MYO3A: variants seen among roughly 807,000 people sequenced by gnomAD.
MYO3A encodes the protein myosin-IIIa.
MYO3A carries 180 observed loss-of-function variants against 192.7 expected under a neutral mutation model. The ratio of observed to expected loss-of-function variants is 0.93; its 90% CI spans 0.83 to 1.06. The LOEUF is 1.06. MYO3A is among the 50% of genes least tolerant of loss of function. The pLI is 0.00. For missense variants in MYO3A, 1,896 were observed against 1,905.0 expected, an observed-to-expected ratio of 1.00 and a Z score of 0.09; for synonymous variants, 628 against 645.3, an observed-to-expected ratio of 0.97 and a Z score of 0.41.
chr10:26,014,611 G>A (rs112619711), intron 6 of MYO3A, among the ~76,000 whole-genome samples: 6,550 of 152,062 alleles, frequency 0.043, 178 homozygotes, highest in Middle Eastern at 0.068. Context: ...AACAGTCTAG[G>A]AAGCATTGTT....
At chr10:26,070,780 G>A (rs75218177) in intron 14 of MYO3A, among the ~76,000 whole-genome samples, 9,250 of 151,890 alleles carry the variant, frequency 0.061, 365 homozygotes, top group Non-Finnish European at 0.088. Flanking sequence ...ATGGTCAATT[G>A]CAAATTGAAT....
chr10:26,090,892 G>A (rs1836659838), intron 15 of MYO3A, among the ~76,000 whole-genome samples: 1 of 152,254 alleles, frequency 6.6e-6, no homozygotes, highest in Admixed American at 6.5e-5. Flanking sequence ...TGCAGGTGGA[G>A]GGAGGGGCAG....
rs537616204 is a variant in MYO3A at position 26,082,500 on chromosome 10, G to A, written c.1360-5703G>A. ...TTTGGGATATTTGGGGCTTTTTACA[G>A]GTAGGATCATGTTATCTGCAAATGC... On this transcript the variant is annotated intron_variant, in intron 14 of 34. Coordinates refer to ENST00000642920, the MANE Select transcript of MYO3A (RefSeq NM_017433.5). Among the ~76,000 whole-genome samples the A allele has an allele frequency of 1.4e-4, 22 of 152,210 alleles. No homozygotes were observed. The East Asian group carries it at 1.7e-3, about 12-fold the overall frequency.
Position 26,143,436 on chromosome 10 carries a change from T to C in MYO3A, c.2263-12T>C. Reference sequence around the variant, plus strand: ...TTATTCACAGTTTTAAGTGGTTTTGTCTTTATTATAGAATGAATACCTAAA... The same window carrying C: ...TTATTCACAGTTTTAAGTGGTTTTGCCTTTATTATAGAATGAATACCTAAA... On this transcript the variant is annotated splice_polypyrimidine_tract_variant and intron_variant, in intron 20 of 34. Coordinates refer to ENST00000642920, the MANE Select transcript of MYO3A (RefSeq NM_017433.5). The C allele has an allele frequency of 6.2e-7, 1 of 1,605,250 alleles. No individual in the cohort carries two copies. Among genetic ancestry groups the C allele is most frequent in the Non-Finnish European group, 8.5e-7 (1 of 1,172,188 alleles).
At chr10:26,056,919 G>A (rs1261483307) in intron 10 of MYO3A, among the ~76,000 whole-genome samples, 4 of 151,848 alleles carry the variant, frequency 2.6e-5, no homozygotes, top group Non-Finnish European at 5.9e-5. Flanking sequence ...ATTGACTGAG[G>A]TAGAGATAAT....
chr10:26,126,185 G>T (rs1283852867), intron 19 of MYO3A, among the ~76,000 whole-genome samples: 1 of 152,114 alleles, frequency 6.6e-6, no homozygotes, highest in Non-Finnish European at 1.5e-5. Context: ...CCTTCTTAAA[G>T]ATAATTACAG....
intron 26 of MYO3A, among the ~76,000 whole-genome samples, chr10:26,158,704 C>G (rs1418070673): frequency 6.6e-5 from 10 of 151,614 alleles, no homozygotes; most frequent in Non-Finnish European, 1.5e-4. Context: ...TATATTTTTT[C>G]AGTTCTATCA....
intron 14 of MYO3A, among the ~76,000 whole-genome samples, chr10:26,084,650 T>C (rs975081414): frequency 6.6e-6 from 1 of 152,174 alleles, no homozygotes; most frequent in African/African-American, 2.4e-5. Flanking sequence ...ACTACAGGCA[T>C]GTGCCACTGC....
At chr10:26,179,491 A>G (rs565843224) in intron 31 of MYO3A, among the ~76,000 whole-genome samples, 13 of 152,346 alleles carry the variant, frequency 8.5e-5, no homozygotes, top group Admixed American at 3.3e-4. Context: ...GACCAAAAAT[A>G]TACCATAAGA....
chr10:26,166,989 G>A (rs1475577359), intron 27 of MYO3A, among the ~76,000 whole-genome samples: 1 of 152,154 alleles, frequency 6.6e-6, no homozygotes, highest in Non-Finnish European at 1.5e-5. Flanking sequence ...GTCTTCTCAG[G>A]TATTCTCATA....
intron 10 of MYO3A, among the ~76,000 whole-genome samples, chr10:26,026,971 A>G (rs960437844): frequency 1.3e-5 from 2 of 152,234 alleles, no homozygotes; most frequent in Non-Finnish European, 2.9e-5. Flanking sequence ...AAGTGCTGGC[A>G]TTACAGGCGT....
At chr10:26,181,220 T>C (rs942829141) in intron 31 of MYO3A, among the ~76,000 whole-genome samples, 31 of 152,292 alleles carry the variant, frequency 2.0e-4, no homozygotes, top group African/African-American at 6.7e-4. Context: ...TGCCCAGTTA[T>C]TTTCCAGATG....
intron 4 of MYO3A, among the ~76,000 whole-genome samples, chr10:25,996,178 TCAC>T (rs1840426292): frequency 6.6e-6 from 1 of 152,232 alleles, no homozygotes; most frequent in Non-Finnish European, 1.5e-5. Context: ...GCCGCTTTGT[TCAC>T]CTACTCAAGC....
intron 6 of MYO3A, among the ~76,000 whole-genome samples, chr10:26,009,028 C>A (rs555703950): frequency 2.0e-5 from 3 of 151,950 alleles, no homozygotes; most frequent in African/African-American, 7.3e-5. Context: ...CACATATACA[C>A]CATGGAATAC....
chr10:25,980,865 C>T (rs1343409830), intron 4 of MYO3A, among the ~76,000 whole-genome samples: 1 of 152,102 alleles, frequency 6.6e-6, no homozygotes, highest in Non-Finnish European at 1.5e-5. Context: ...AACCAAAATC[C>T]ATAGTTTACA....
At chr10:26,113,486 A>C (rs184498222) in intron 17 of MYO3A, among the ~76,000 whole-genome samples, 3 of 151,656 alleles carry the variant, frequency 2.0e-5, no homozygotes, top group Admixed American at 1.3e-4. Context: ...CAAAAAAAAA[A>C]ACAAAAAAAA....
intron 10 of MYO3A, among the ~76,000 whole-genome samples, chr10:26,050,738 C>T (rs1843945682): frequency 6.6e-6 from 1 of 152,150 alleles, no homozygotes; most frequent in South Asian, 2.1e-4. Flanking sequence ...CGCAAAATTT[C>T]CCAGTATGAC....
chr10:26,072,905 C>A (rs1233510342), intron 14 of MYO3A, among the ~76,000 whole-genome samples: 4 of 152,054 alleles, frequency 2.6e-5, no homozygotes, highest in Non-Finnish European at 4.4e-5. Context: ...AACCTATAGA[C>A]AAAGATTTAT....
intron 26 of MYO3A, among the ~76,000 whole-genome samples, chr10:26,159,621 C>T (rs921677484): frequency 2.0e-5 from 3 of 152,040 alleles, no homozygotes; most frequent in Non-Finnish European, 2.9e-5. Flanking sequence ...CCTCGTGATC[C>T]GCCAGCCTCG....
Sources: gnomAD v4.1 joint callset for allele counts (sites outside exome capture counted in the v4.1 genomes callset) on GRCh38, gnomAD v4.1.1 for gene constraint, MANE v1.5 for transcripts, NCBI Gene and HGNC (gene_info 2026-07-23, HGNC 2026-07-21) for gene names.